SUSD5: variants seen among roughly 807,000 people sequenced by gnomAD.
SUSD5 encodes the protein sushi domain-containing protein 5.
Under a neutral mutation model 29.5 loss-of-function variants are expected in SUSD5, and 33 were observed. The ratio of observed to expected loss-of-function variants is 1.12; its 90% CI spans 0.85 to 1.49. SUSD5 has a LOEUF of 1.49. SUSD5 is among the 40% of genes most tolerant of loss of function. SUSD5 has a pLI of 0.00. For synonymous variants in SUSD5, 308 were observed against 325.3 expected (o/e 0.95, Z 0.57); for missense variants, 776 against 800.6 (o/e 0.97, Z 0.37).
intron 3 of SUSD5, among the ~76,000 whole-genome samples, chr3:33,182,504 T>C (rs2031692965): frequency 6.6e-6 from 1 of 152,230 alleles, no homozygotes; most frequent in African/African-American, 2.4e-5. Flanking sequence ...TCTGTCCATT[T>C]CTGACAGAGG....
At chr3:33,186,289 A>G (rs60761526) in intron 3 of SUSD5, among the ~76,000 whole-genome samples, 38,940 of 151,484 alleles carry the variant, frequency 0.26, 5,309 homozygotes, top group East Asian at 0.42. Context: ...GTGACAGAGC[A>G]AGACTGTGTC....
chr3:33,190,226 AT>A, intron 3 of SUSD5: 1 of 157,668 alleles, frequency 6.3e-6, no homozygotes, highest in Non-Finnish European at 1.4e-5. Flanking sequence ...GCAATGGCCA[AT>A]TAGTACTCGT....
Position 33,199,687 on chromosome 3 carries a change from T to G in SUSD5, c.409+8121A>C, listed in dbSNP as rs555592426. On this transcript the variant is annotated intron_variant, in intron 3 of 4. Transcript: ENST00000309558. ...CTGTCACTCTGCTATAGACTGAATG[T>G]CTGTGTCCTCCCAAAATTCATACGT... Among the ~76,000 whole-genome samples the G allele has an allele frequency of 2.9e-4, 44 of 152,346 alleles. 1 individual carries two copies. In the Middle Eastern group the frequency reaches 0.014, roughly 47 times the overall value.
At chr3:33,180,730 C>G (rs1217941877) in intron 3 of SUSD5, among the ~76,000 whole-genome samples, 1 of 151,958 alleles carries the variant, frequency 6.6e-6, no homozygotes, top group East Asian at 1.9e-4. Flanking sequence ...ATCTCAGTTA[C>G]TCGGGAGGCT....
At chr3:33,206,884 T>G (rs2032231302) in intron 3 of SUSD5, among the ~76,000 whole-genome samples, 1 of 152,206 alleles carries the variant, frequency 6.6e-6, no homozygotes, top group Admixed American at 6.5e-5. Context: ...GCGCTGGCAC[T>G]GAGGCATCAG....
intron 3 of SUSD5, 62 bp downstream of exon 3, chr3:33,207,746 C>T (rs2032248061): frequency 8.9e-7 from 1 of 1,117,408 alleles, no homozygotes; most frequent in South Asian, 1.5e-5. Flanking sequence ...GAGAAACCAA[C>T]CTCATATAGC....
chr3:33,159,458 G>A (rs575706931), intron 4 of SUSD5, among the ~76,000 whole-genome samples: 2 of 152,148 alleles, frequency 1.3e-5, no homozygotes, highest in Non-Finnish European at 2.9e-5. Context: ...CTGCCCCAGT[G>A]CTCCCTGCCT....
intron 3 of SUSD5, among the ~76,000 whole-genome samples, chr3:33,177,021 G>C (rs920067976): frequency 3.9e-5 from 6 of 152,158 alleles, no homozygotes; most frequent in Admixed American, 3.9e-4. Flanking sequence ...AGGTCCAACA[G>C]GTTCAGCCCT....
At chr3:33,213,610 C>T (rs1434587694) in intron 2 of SUSD5, among the ~76,000 whole-genome samples, 1 of 151,952 alleles carries the variant, frequency 6.6e-6, no homozygotes, top group Non-Finnish European at 1.5e-5. Flanking sequence ...CCCATCTCTA[C>T]TAAAAATACA....
At chr3:33,170,067 T>A (rs1308889915) in intron 4 of SUSD5, among the ~76,000 whole-genome samples, 2 of 151,838 alleles carry the variant, frequency 1.3e-5, no homozygotes, top group African/African-American at 4.8e-5. Context: ...ACAGGCGCAA[T>A]GCCACCACGC....
chr3:33,205,637 C>A (rs2032203730), intron 3 of SUSD5, among the ~76,000 whole-genome samples: 1 of 152,226 alleles, frequency 6.6e-6, no homozygotes, highest in Non-Finnish European at 1.5e-5. Context: ...CACACACTTG[C>A]ATACACATAA....
intron 2 of SUSD5, among the ~76,000 whole-genome samples, chr3:33,210,016 A>T (rs1238863422): frequency 6.6e-6 from 1 of 152,112 alleles, no homozygotes; most frequent in African/African-American, 2.4e-5. Flanking sequence ...TAATGTCTGG[A>T]GTTTCTATTA....
chr3:33,201,935 T>C (rs920745373), intron 3 of SUSD5, among the ~76,000 whole-genome samples: 1 of 151,310 alleles, frequency 6.6e-6, no homozygotes, highest in Non-Finnish European at 1.5e-5. Flanking sequence ...AGGAAGTCTC[T>C]CTAATAACCT....
intron 4 of SUSD5, among the ~76,000 whole-genome samples, chr3:33,168,199 C>CT (rs2031345996): frequency 6.6e-6 from 1 of 152,146 alleles, no homozygotes; most frequent in Admixed American, 6.5e-5. Flanking sequence ...TACTTTCCAT[C>CT]TTTTTTTACT....
chr3:33,173,408 G>T, intron 4 of SUSD5, among the ~76,000 whole-genome samples: 1 of 152,222 alleles, frequency 6.6e-6, no homozygotes, highest in East Asian at 1.9e-4. Context: ...ACCAAAGGAG[G>T]CTAAGGACAA....
chr3:33,158,949 A>G (rs986259889), intron 4 of SUSD5, among the ~76,000 whole-genome samples: 1 of 152,242 alleles, frequency 6.6e-6, no homozygotes, highest in African/African-American at 2.4e-5. Flanking sequence ...CGAACCGTGA[A>G]GAACCCCAGA....
At chr3:33,164,695 AAAATG>A (rs1380952656) in intron 4 of SUSD5, among the ~76,000 whole-genome samples, 1 of 152,206 alleles carries the variant, frequency 6.6e-6, no homozygotes, top group Non-Finnish European at 1.5e-5. Flanking sequence ...GCCCAGTAGA[AAAATG>A]GGCAGGAGAA....
At chr3:33,171,285 T>A (rs963431015) in intron 4 of SUSD5, among the ~76,000 whole-genome samples, 4 of 151,930 alleles carry the variant, frequency 2.6e-5, no homozygotes, top group African/African-American at 9.7e-5. Context: ...AGGCAGAGGT[T>A]GCGGTGAGCC....
intron 3 of SUSD5, among the ~76,000 whole-genome samples, chr3:33,197,464 A>T (rs955261989): frequency 7.2e-5 from 11 of 152,164 alleles, no homozygotes; most frequent in African/African-American, 2.7e-4. Flanking sequence ...TTTGTGTTTT[A>T]AAGTATTATT....
Sources: allele counts gnomAD v4.1 joint callset (sites outside exome capture counted in the v4.1 genomes callset), GRCh38; gene constraint gnomAD v4.1.1; transcripts MANE v1.5; gene names NCBI Gene and HGNC (gene_info 2026-07-23, HGNC 2026-07-21).